The following DAB1 variants were observed in gnomAD, a reference collection of about 807,000 sequenced individuals.
DAB1 encodes the protein disabled homolog 1.
In DAB1, 15 loss-of-function variants were observed where a neutral mutation model predicts 64.6. That is an observed-to-expected ratio of 0.23 (90% confidence interval 0.16 to 0.36). The LOEUF is 0.36. Among genes scored for constraint, DAB1 ranks in the 10% least tolerant of loss-of-function variants. DAB1 has a pLI of 1.00. For missense variants in DAB1, 596 were observed against 706.7 expected, an observed-to-expected ratio of 0.84 and a Z score of 1.78; for synonymous variants, 235 against 251.9, an observed-to-expected ratio of 0.93 and a Z score of 0.64.
At chr1:57,321,225 T>G (rs1268501632) in intron 1 of DAB1, among the ~76,000 whole-genome samples, 1 of 152,150 alleles carries the variant, frequency 6.6e-6, no homozygotes, top group African/African-American at 2.4e-5. Flanking sequence ...ATCCAAAAAA[T>G]GTATAGAAGT....
intron 5 of DAB1, among the ~76,000 whole-genome samples, chr1:57,906,970 A>AGATAGATG (rs2102002658): frequency 6.6e-6 from 1 of 152,162 alleles, no homozygotes; most frequent in African/African-American, 2.4e-5. Flanking sequence ...ATAGATAGAT[A>AGATAGATG]GATAGATAGA....
chr1:58,381,726 TAG>T (rs2100547691), intron 3 of DAB1, among the ~76,000 whole-genome samples: 1 of 152,330 alleles, frequency 6.6e-6, no homozygotes, highest in South Asian at 2.1e-4. Flanking sequence ...TTGCAGCTCA[TAG>T]TTCTTTTCTG....
chr1:57,932,931 A>G (rs994586196), intron 5 of DAB1, among the ~76,000 whole-genome samples: 1 of 152,214 alleles, frequency 6.6e-6, no homozygotes, highest in Middle Eastern at 3.2e-3. Flanking sequence ...ACCCCATGTT[A>G]GACTCTGGTT....
chr1:57,447,979 C>T (rs1426694302), intron 7 of DAB1, among the ~76,000 whole-genome samples: 1 of 152,082 alleles, frequency 6.6e-6, no homozygotes, highest in Non-Finnish European at 1.5e-5. Flanking sequence ...ATGAGGCAGG[C>T]AAATAAATAA....
intron 5 of DAB1, among the ~76,000 whole-genome samples, chr1:58,074,873 GCT>G (rs1649543236): frequency 6.6e-6 from 1 of 152,086 alleles, no homozygotes; most frequent in Non-Finnish European, 1.5e-5. Flanking sequence ...CATGTAATAT[GCT>G]ACGTGCCTGT....
intron 7 of DAB1, among the ~76,000 whole-genome samples, chr1:57,551,162 G>A (rs529442531): frequency 4.8e-4 from 73 of 152,252 alleles, no homozygotes; most frequent in African/African-American, 1.7e-3. Context: ...CGTCTTGCAC[G>A]CCACTAACAT....
chr1:57,320,624 G>A (rs1675630617), intron 1 of DAB1, among the ~76,000 whole-genome samples: 1 of 151,922 alleles, frequency 6.6e-6, no homozygotes, highest in African/African-American at 2.4e-5. Flanking sequence ...ACACATTATG[G>A]GATTATAAAA....
At chr1:57,253,044 C>T (rs1023966667) in intron 2 of DAB1, among the ~76,000 whole-genome samples, 2 of 152,152 alleles carry the variant, frequency 1.3e-5, no homozygotes, top group Non-Finnish European at 2.9e-5. Flanking sequence ...TCTTTCATTC[C>T]ACCCTACTGC....
chr1:57,796,291 G>T (rs4532849), intron 6 of DAB1, among the ~76,000 whole-genome samples: 22,319 of 151,916 alleles, frequency 0.15, 1,843 homozygotes, highest in East Asian at 0.25. Context: ...ACTTTGGGAG[G>T]CCGAGGCAGG....
chr1:57,598,090 C>T (rs768997508), intron 7 of DAB1, among the ~76,000 whole-genome samples: 19 of 152,242 alleles, frequency 1.2e-4, no homozygotes, highest in Non-Finnish European at 2.4e-4. Flanking sequence ...TTACGCCATT[C>T]CCCTGCCTCA....
At chr1:57,227,321 T>C (rs1484874295) in intron 2 of DAB1, among the ~76,000 whole-genome samples, 1 of 152,196 alleles carries the variant, frequency 6.6e-6, no homozygotes, top group Non-Finnish European at 1.5e-5. Context: ...CCTGGCAGTA[T>C]TCTAGGACTG....
intron 5 of DAB1, among the ~76,000 whole-genome samples, chr1:57,890,889 CTG>C (rs1644302332): frequency 6.6e-6 from 1 of 152,208 alleles, no homozygotes; most frequent in Non-Finnish European, 1.5e-5. Context: ...TCTGAACACA[CTG>C]TGCATTTTCA....
At chr1:58,409,329 G>A (rs748496552) in intron 3 of DAB1, among the ~76,000 whole-genome samples, 1 of 152,138 alleles carries the variant, frequency 6.6e-6, no homozygotes, top group Non-Finnish European at 1.5e-5. Context: ...TATGCACAAA[G>A]TAATAGAGCA....
chr1:57,091,690 G>A (rs1176141717), intron 4 of DAB1, among the ~76,000 whole-genome samples: 2 of 152,178 alleles, frequency 1.3e-5, no homozygotes, highest in African/African-American at 4.8e-5. Context: ...TGTGACCTTT[G>A]CTAAAGATTT....
intron 1 of DAB1, among the ~76,000 whole-genome samples, chr1:57,389,727 A>T (rs966464625): frequency 6.6e-6 from 1 of 152,224 alleles, no homozygotes; most frequent in Non-Finnish European, 1.5e-5. Context: ...CTATTTCCAT[A>T]GTAATTATAA....
chr1:57,059,857 A>G (rs748839069), intron 9 of DAB1, among the ~76,000 whole-genome samples: 89 of 152,246 alleles, frequency 5.8e-4, no homozygotes, highest in Non-Finnish European at 1.1e-3. Flanking sequence ...CCACAGCCTG[A>G]GGTTTTTACT....
intron 2 of DAB1, among the ~76,000 whole-genome samples, chr1:57,208,100 T>C (rs780476047): frequency 6.6e-6 from 1 of 152,060 alleles, no homozygotes; most frequent in Non-Finnish European, 1.5e-5. Flanking sequence ...GGAAACGATA[T>C]AAGAAAGAGA....
intron 6 of DAB1, among the ~76,000 whole-genome samples, chr1:57,742,109 T>C (rs1241790966): frequency 1.3e-5 from 2 of 152,138 alleles, no homozygotes; most frequent in African/African-American, 4.8e-5. Context: ...AGTTGCCTTA[T>C]ATGACCCTTA....
At chr1:57,760,628 A>ATTTTT (rs1557465380) in intron 6 of DAB1, among the ~76,000 whole-genome samples, 1,900 of 148,904 alleles carry the variant, frequency 0.013, 43 homozygotes, top group African/African-American at 0.044. Flanking sequence ...TCTCACACAC[A>ATTTTT]CACACACACA....
Sources: gnomAD v4.1 joint callset for allele counts (sites outside exome capture counted in the v4.1 genomes callset) on GRCh38, gnomAD v4.1.1 for gene constraint, MANE v1.5 for transcripts, NCBI Gene and HGNC (gene_info 2026-07-23, HGNC 2026-07-21) for gene names.